C12orf42: variants seen among roughly 807,000 people sequenced by gnomAD.
C12orf42 encodes chromosome 12 open reading frame 42.
In C12orf42, 25 loss-of-function variants were observed where a neutral mutation model predicts 21.6. That is an observed-to-expected ratio of 1.16 (90% CI 0.84 to 1.62). C12orf42 has a LOEUF of 1.62. Among genes scored for constraint, C12orf42 ranks in the 40% most tolerant of loss-of-function variants. C12orf42 has a pLI of 0.00. For missense variants in C12orf42, 483 were observed against 459.3 expected (o/e 1.05, Z -0.47); for synonymous variants, 174 against 175.0 (o/e 0.99, Z 0.05).
chr12:103,473,046 A>G (rs1159217244), intron 2 of C12orf42, among the ~76,000 whole-genome samples: 1 of 152,210 alleles, frequency 6.6e-6, no homozygotes, highest in African/African-American at 2.4e-5. Flanking sequence ...ATCTCAGAGG[A>G]AGGCAGTGTG....
At chr12:103,264,293 G>A (rs2035055650), downstream of C12orf42, among the ~76,000 whole-genome samples, 2 of 150,752 alleles carry the variant, frequency 1.3e-5, no homozygotes, top group African/African-American at 5.0e-5. Flanking sequence ...TCTGTCATTG[G>A]TACGTATTGT....
At chr12:103,093,232 G>T in the C12orf42 span, among the ~76,000 whole-genome samples, 1 of 152,152 alleles carries the variant, frequency 6.6e-6, no homozygotes, top group South Asian at 2.1e-4. Context: ...GACCATGTCT[G>T]AGTTGGTTGT....
chr12:103,251,288 T>G (rs2034288502), intron 10 of C12orf42, among the ~76,000 whole-genome samples: 1 of 152,072 alleles, frequency 6.6e-6, no homozygotes, highest in Non-Finnish European at 1.5e-5. Flanking sequence ...CTTCCAGAGA[T>G]CTCTACAAGC....
intron 5 of C12orf42, among the ~76,000 whole-genome samples, chr12:103,303,192 C>A (rs2037909617): frequency 2.0e-5 from 3 of 151,956 alleles, no homozygotes; most frequent in Non-Finnish European, 4.4e-5. Context: ...ATAATTTTTC[C>A]ATACAAAAGA....
chr12:103,443,524 C>G (rs1951394771), intron 2 of C12orf42, among the ~76,000 whole-genome samples: 1 of 152,060 alleles, frequency 6.6e-6, no homozygotes, highest in Admixed American at 6.6e-5. Context: ...GAGCACAAGC[C>G]TCATCTAACC....
At chr12:103,069,180 A>G in the C12orf42 span, among the ~76,000 whole-genome samples, 1,932 of 150,334 alleles carry the variant, frequency 0.013, 23 homozygotes, top group Non-Finnish European at 0.02. Context: ...TTTAACCTCA[A>G]TTGCTGAATT....
chr12:103,222,516 C>T, the C12orf42 span, among the ~76,000 whole-genome samples: 4 of 152,174 alleles, frequency 2.6e-5, no homozygotes, highest in East Asian at 5.8e-4. Context: ...TGGGCATACA[C>T]GTGCAAGTCA....
chr12:103,177,274 A>T, the C12orf42 span, among the ~76,000 whole-genome samples: 1 of 152,186 alleles, frequency 6.6e-6, no homozygotes, highest in Non-Finnish European at 1.5e-5. Context: ...ATGTTCAGTG[A>T]TGTGACTAAA....
the C12orf42 span, among the ~76,000 whole-genome samples, chr12:103,146,612 A>AAAGAAAGAAAGAAAGAAAGAAAG: frequency 4.3e-5 from 5 of 116,806 alleles, no homozygotes; most frequent in Non-Finnish European, 7.2e-5. Flanking sequence ...AAGAAAGAAA[A>AAAGAAAGAAAGAAAGAAAGAAAG]AGAAAAGTAA....
At chr12:103,339,528 A>G (rs762025178) in intron 4 of C12orf42, among the ~76,000 whole-genome samples, 1 of 152,252 alleles carries the variant, frequency 6.6e-6, no homozygotes, top group Non-Finnish European at 1.5e-5. Context: ...AAAAGTGGAC[A>G]AAGGACATGA....
chr12:103,232,098 A>G, the C12orf42 span, among the ~76,000 whole-genome samples: 2,964 of 152,222 alleles, frequency 0.019, 107 homozygotes, highest in African/African-American at 0.067. Flanking sequence ...TGCCACCTAG[A>G]TATCTTTGGT....
At chr12:103,216,366 CT>C in the C12orf42 span, among the ~76,000 whole-genome samples, 6 of 150,060 alleles carry the variant, frequency 4.0e-5, no homozygotes, top group East Asian at 7.8e-4. Context: ...GAGAACAATA[CT>C]TTTTTTTCTT....
intron 1 of C12orf42, 38 bp downstream of exon 1, chr12:103,495,864 C>T (rs1035291507): frequency 1.3e-5 from 2 of 152,302 alleles, no homozygotes; most frequent in Admixed American, 6.5e-5. Flanking sequence ...CTCTACCTCA[C>T]CCTGCCAGGG....
the C12orf42 span, among the ~76,000 whole-genome samples, chr12:103,189,663 A>G: frequency 1.2e-4 from 18 of 152,164 alleles, no homozygotes; most frequent in African/African-American, 4.3e-4. Context: ...TGAACATCCA[A>G]CTTCCTGAGA....
At chr12:103,419,066 A>G (rs966223535) in intron 2 of C12orf42, among the ~76,000 whole-genome samples, 10 of 152,086 alleles carry the variant, frequency 6.6e-5, no homozygotes, top group Non-Finnish European at 1.5e-4. Context: ...ATCTGGATGA[A>G]AGTTAAATGA....
At chr12:103,539,098 A>G in the C12orf42 span, among the ~76,000 whole-genome samples, 1 of 152,238 alleles carries the variant, frequency 6.6e-6, no homozygotes, top group Non-Finnish European at 1.5e-5. Flanking sequence ...ACATTTATGG[A>G]TCCCATCACA....
the C12orf42 span, among the ~76,000 whole-genome samples, chr12:103,085,873 A>G: frequency 6.6e-6 from 1 of 152,152 alleles, no homozygotes; most frequent in African/African-American, 2.4e-5. Context: ...TCAGCAGCCT[A>G]ATTACAAAGG....
chr12:103,269,812 G>C (rs1311069910), exon 6 of C12orf42: 1 of 152,474 alleles, frequency 6.6e-6, no homozygotes, highest in Non-Finnish European at 1.5e-5. Flanking sequence ...CTCACCTGAG[G>C]AGCCAGGAAG....
the C12orf42 span, among the ~76,000 whole-genome samples, chr12:103,187,950 G>T: frequency 7.2e-5 from 11 of 152,304 alleles, no homozygotes; most frequent in Non-Finnish European, 1.2e-4. Context: ...AAATAGGCAG[G>T]CAGGGAAACA....
Sources: gnomAD v4.1 joint callset for allele counts (sites outside exome capture counted in the v4.1 genomes callset) on GRCh38, gnomAD v4.1.1 for gene constraint, MANE v1.5 for transcripts, NCBI Gene and HGNC (gene_info 2026-07-23, HGNC 2026-07-21) for gene names.